CCNC: variants seen among roughly 807,000 people sequenced by gnomAD.
The protein encoded by CCNC is cyclin C.
A neutral mutation model predicts 50.0 loss-of-function variants in CCNC; 19 were observed. That is an observed-to-expected ratio of 0.38 (90% CI 0.27 to 0.56). CCNC has a LOEUF of 0.56. Ranked by LOEUF, CCNC falls within the 20% of genes least tolerant of loss-of-function variation. CCNC has a pLI of 0.72. For synonymous variants in CCNC, 93 were observed against 103.7 expected (o/e 0.90, Z 0.63); for missense variants, 200 against 327.1 (o/e 0.61, Z 3.00).
At position 99,543,311 on chromosome 6, in the gene CCNC, T is replaced by C. The variant is rs1349918864; in HGVS notation, c.*244A>G. On this transcript the variant is annotated 3_prime_UTR_variant, in exon 12 of 12. Transcript: ENST00000520429. ...ATCAAAAGCTATTAATTTTGAAATG[T>C]CTATGTATGTCTGTCTGTAGGTCCC... 2 of 369,056 alleles carry C rather than the reference T, an allele frequency of 5.4e-6. No individual in the cohort carries two copies. The highest frequency in any genetic ancestry group is 4.2e-5 in the African/African-American group (2 of 48,178). 22.9% of individuals were successfully genotyped at this position (369,056 alleles called of 1,614,324 possible). A position where few individuals can be genotyped will look rare whatever the true frequency, so the allele number is the denominator to read the frequency against.
At chr6:99,563,637 G>A (rs1768954045) in intron 1 of CCNC, among the ~76,000 whole-genome samples, 1 of 152,078 alleles carries the variant, frequency 6.6e-6, no homozygotes, top group South Asian at 2.1e-4. Flanking sequence ...TCTACTGATG[G>A]AAATACAGGT....
intron 5 of CCNC, among the ~76,000 whole-genome samples, chr6:99,552,154 A>G (rs1373170647): frequency 1.3e-5 from 2 of 151,986 alleles, no homozygotes; most frequent in African/African-American, 2.4e-5. Flanking sequence ...AAGATCAGGA[A>G]AAAAAAATCA....
chr6:99,561,019 G>A, intron 4 of CCNC, among the ~76,000 whole-genome samples: 1 of 152,164 alleles, frequency 6.6e-6, no homozygotes, highest in East Asian at 1.9e-4. Context: ...ACACAGGATT[G>A]GTAACGAGAC....
At chr6:99,558,279 C>A in intron 5 of CCNC, 1 of 532,592 alleles carries the variant, frequency 1.9e-6, no homozygotes, top group Non-Finnish European at 3.0e-6. Context: ...TAATTACTAT[C>A]CATTTTAACA....
chr6:99,553,377 C>G lies in CCNC; in HGVS notation c.347-1482G>C, dbSNP rs1802381803. Among the ~76,000 whole-genome samples the G allele has an allele frequency of 2.0e-5, 3 of 152,230 alleles. No homozygotes were observed. The East Asian group carries it at 5.8e-4, about 30-fold the overall frequency. ...AAATCTACATCCCCATCCCCTGGAC[C>G]TTGACACCTAACACCTCTATTGAGA... is the stretch of plus-strand genomic sequence containing the variant. On this transcript the variant is annotated intron_variant, in intron 5 of 11. Coordinates refer to ENST00000520429, the MANE Select transcript of CCNC (RefSeq NM_005190.4).
chr6:99,568,776 G>A (rs1433103447), upstream of CCNC: 3 of 1,273,822 alleles, frequency 2.4e-6, no homozygotes, highest in African/African-American at 3.0e-5. Context: ...GGGAGCCGGA[G>A]GGGAGGTGCT....
At chr6:99,549,231 T>G (rs1366756788) in intron 9 of CCNC, 1 of 479,992 alleles carries the variant, frequency 2.1e-6, no homozygotes, top group Non-Finnish European at 3.7e-6. Flanking sequence ...AACTTTTCCC[T>G]CTAAACAAAC....
intron 1 of CCNC, chr6:99,568,265 ACT>A (rs986586072): frequency 5.2e-6 from 3 of 576,790 alleles, no homozygotes; most frequent in South Asian, 4.2e-5. Context: ...GGGAGACGAA[ACT>A]CTCTCCCACC....
Position 99,558,482 on chromosome 6 carries a change from A to G in CCNC, c.346+15T>C. 1 of 1,611,702 alleles carries G rather than the reference A, an allele frequency of 6.2e-7. No homozygotes were observed. Among genetic ancestry groups the G allele is most frequent in the South Asian group, 1.1e-5 (1 of 90,586 alleles). On this transcript the variant is annotated intron_variant, in intron 5 of 11. Coordinates refer to ENST00000520429, the MANE Select transcript of CCNC (RefSeq NM_005190.4). Reference sequence around the variant, plus strand: ...AGAATTACATCCTTAAAGCAGATATACTTTTTGCACTTACATACAGAAGTA... The same window carrying G: ...AGAATTACATCCTTAAAGCAGATATGCTTTTTGCACTTACATACAGAAGTA...
intron 4 of CCNC, 58 bp from the exon 5 acceptor site, chr6:99,558,606 T>C (rs1226250893): frequency 7.4e-6 from 11 of 1,478,476 alleles, no homozygotes; most frequent in Non-Finnish European, 1.0e-5. Flanking sequence ...ATCTGAACTC[T>C]ATTCAAAACA....
At chr6:99,546,639 G>A (rs550733549) in intron 9 of CCNC, among the ~76,000 whole-genome samples, 165 bp from the exon 10 acceptor site, 4 of 152,180 alleles carry the variant, frequency 2.6e-5, no homozygotes, top group East Asian at 1.9e-4. Context: ...AATGTAATCC[G>A]AGACAGAAAA....
chr6:99,549,854 A>G (rs776605776), intron 8 of CCNC, among the ~76,000 whole-genome samples: 1 of 152,186 alleles, frequency 6.6e-6, no homozygotes, highest in Non-Finnish European at 1.5e-5. Flanking sequence ...TTTTTTAAAA[A>G]TCAGAAAAAT....
chr6:99,564,628 C>T (rs1028804816), intron 1 of CCNC, among the ~76,000 whole-genome samples: 2 of 151,398 alleles, frequency 1.3e-5, no homozygotes, highest in South Asian at 4.2e-4. Context: ...ATGGGATTAC[C>T]GATTTTTTTA....
chr6:99,544,257 A>T, intron 11 of CCNC: 1 of 1,535,028 alleles, frequency 6.5e-7, no homozygotes, highest in South Asian at 1.2e-5. Flanking sequence ...ACTAGTGGAG[A>T]ATCACTCAGG....
intron 5 of CCNC, among the ~76,000 whole-genome samples, chr6:99,555,536 T>G (rs115778002): frequency 0.076 from 11,622 of 152,064 alleles, 584 homozygotes; most frequent in South Asian, 0.12. Context: ...CTCCTGGGCT[T>G]AGGCAACCCT....
chr6:99,565,899 C>T (rs144505633), intron 1 of CCNC, among the ~76,000 whole-genome samples: 26 of 151,828 alleles, frequency 1.7e-4, no homozygotes, highest in African/African-American at 5.3e-4. Context: ...TTTAGTGTTC[C>T]CTTTGCTAGA....
intron 7 of CCNC, 80 bp downstream of exon 7, chr6:99,550,912 TA>T: frequency 4.0e-6 from 3 of 751,622 alleles, no homozygotes; most frequent in Non-Finnish European, 3.9e-6. Flanking sequence ...TGTACCTCTC[TA>T]AAATCATTTC....
At chr6:99,558,607 A>G (rs935168317) in intron 4 of CCNC, 59 bp from the exon 5 acceptor site, 2 of 1,477,122 alleles carry the variant, frequency 1.4e-6, no homozygotes, top group African/African-American at 1.4e-5. Flanking sequence ...TCTGAACTCT[A>G]TTCAAAACAG....
intron 6 of CCNC, among the ~76,000 whole-genome samples, chr6:99,551,508 ATAG>A (rs1224408283): frequency 1.3e-5 from 2 of 152,166 alleles, no homozygotes; most frequent in East Asian, 1.9e-4. Context: ...TCCCAGCTAA[ATAG>A]TAGTATCACC....
Sources: allele counts gnomAD v4.1 joint callset (sites outside exome capture counted in the v4.1 genomes callset), GRCh38; gene constraint gnomAD v4.1.1; transcripts MANE v1.5; gene names NCBI Gene and HGNC (gene_info 2026-07-23, HGNC 2026-07-21).